The following DIAPH2 variants were observed in gnomAD, a reference collection of about 807,000 sequenced individuals.
The protein encoded by DIAPH2 is diaphanous related formin 2, also known as protein diaphanous homolog 2.
A neutral mutation model predicts 92.7 loss-of-function variants in DIAPH2; 35 were observed. The observed-to-expected ratio is 0.38, with a 90% CI of 0.29 to 0.50. The LOEUF (loss-of-function observed/expected upper bound fraction) is 0.50, where lower values mean the gene tolerates loss of function less well. DIAPH2 is among the 20% of genes least tolerant of loss of function. The pLI is 0.94. For missense variants in DIAPH2, 701 were observed against 819.5 expected, an observed-to-expected ratio of 0.86 and a Z score of 1.77; for synonymous variants, 301 against 280.4, an observed-to-expected ratio of 1.07 and a Z score of -0.73.
chrX:97,348,994 ATATATATATGTGTGTG>A (rs1183169105), intron 24 of DIAPH2, among the ~76,000 whole-genome samples: 145 of 107,929 alleles, frequency 1.3e-3, no homozygotes, highest in African/African-American at 4.8e-3. Flanking sequence ...GTGTGTGTGT[ATATATATATGTGTGTG>A]TATATATATG....
At chrX:97,041,018 A>G (rs1471694475) in intron 17 of DIAPH2, among the ~76,000 whole-genome samples, 1 of 111,044 alleles carries the variant, frequency 9.0e-6, no homozygotes, top group Non-Finnish European at 1.9e-5. Context: ...TTTGTGTTAT[A>G]CAGTTTTATG....
chrX:97,091,164 A>T (rs1373851607), intron 19 of DIAPH2, among the ~76,000 whole-genome samples: 1 of 110,533 alleles, frequency 9.0e-6, no homozygotes, highest in Non-Finnish European at 1.9e-5. Context: ...CCTGTTCCCC[A>T]CTTAGATTTA....
chrX:96,931,585 G>T (rs1343801195), intron 10 of DIAPH2, among the ~76,000 whole-genome samples: 1 of 109,955 alleles, frequency 9.1e-6, no homozygotes, highest in Non-Finnish European at 1.9e-5. Flanking sequence ...AAGTAAGGAA[G>T]TGAGAAAAAA....
At chrX:96,768,444 C>T (rs987419696) in intron 4 of DIAPH2, among the ~76,000 whole-genome samples, 1 of 111,466 alleles carries the variant, frequency 9.0e-6, no homozygotes, top group Non-Finnish European at 1.9e-5. Flanking sequence ...CTTATTAGTG[C>T]CAGGCATTAT....
At chrX:96,922,582 A>G (rs765914339) in intron 9 of DIAPH2, among the ~76,000 whole-genome samples, 1 of 111,635 alleles carries the variant, frequency 9.0e-6, no homozygotes, top group African/African-American at 3.2e-5. Context: ...AATGAGTCCA[A>G]TTCTAATACA....
intron 9 of DIAPH2, among the ~76,000 whole-genome samples, chrX:96,919,540 T>G (rs2065527278): frequency 8.9e-6 from 1 of 111,998 alleles, no homozygotes; most frequent in Admixed American, 9.5e-5. Flanking sequence ...GTTTCCACAT[T>G]TAATTTTATC....
chrX:96,691,749 A>G (rs1315543017), intron 1 of DIAPH2, among the ~76,000 whole-genome samples: 1 of 112,438 alleles, frequency 8.9e-6, no homozygotes, highest in Non-Finnish European at 1.9e-5. Context: ...AATACATACC[A>G]GCATATTGGC....
intron 26 of DIAPH2, among the ~76,000 whole-genome samples, chrX:97,515,391 C>A (rs1018054504): frequency 8.9e-5 from 10 of 112,464 alleles, no homozygotes; most frequent in Non-Finnish European, 1.9e-4. Flanking sequence ...CGCGCACCCA[C>A]TGTCCTGCGC....
intron 22 of DIAPH2, among the ~76,000 whole-genome samples, chrX:97,236,702 GC>G (rs2068050823): frequency 9.2e-6 from 1 of 108,960 alleles, no homozygotes; most frequent in African/African-American, 3.3e-5. Context: ...CCGCAACCAC[GC>G]CCGGCTAATT....
chrX:97,359,216 G>T (rs2069298151), intron 24 of DIAPH2, among the ~76,000 whole-genome samples: 1 of 111,573 alleles, frequency 9.0e-6, no homozygotes, highest in Non-Finnish European at 1.9e-5. Context: ...TCAGTAATTG[G>T]TGACTGTCCA....
chrX:97,420,438 A>T (rs779992919), intron 25 of DIAPH2, among the ~76,000 whole-genome samples: 1 of 111,668 alleles, frequency 9.0e-6, no homozygotes, highest in Admixed American at 9.5e-5. Context: ...TACAGTATTT[A>T]TTCCATGGCA....
chrX:97,286,621 A>G (rs1360968479), intron 23 of DIAPH2, among the ~76,000 whole-genome samples: 1 of 111,271 alleles, frequency 9.0e-6, no homozygotes, highest in Non-Finnish European at 1.9e-5. Context: ...CTGGCGGAGT[A>G]CGCCTGAACT....
chrX:97,349,036 GTATA>G (rs1396887806), intron 24 of DIAPH2, among the ~76,000 whole-genome samples: 5 of 100,131 alleles, frequency 5.0e-5, no homozygotes, highest in Admixed American at 1.1e-4. Flanking sequence ...ATATATGTGT[GTATA>G]TATATGTGTA....
At chrX:97,278,989 A>G (rs1225343858) in intron 23 of DIAPH2, among the ~76,000 whole-genome samples, 2 of 112,481 alleles carry the variant, frequency 1.8e-5, no homozygotes, top group Admixed American at 1.9e-4. Context: ...CTTGCAAACA[A>G]AGGGATGTGC....
At chrX:97,329,891 G>GACACAC (rs201851023) in intron 23 of DIAPH2, among the ~76,000 whole-genome samples, 55 of 79,475 alleles carry the variant, frequency 6.9e-4, no homozygotes, top group African/African-American at 1.0e-3. Context: ...TGCATTCTTA[G>GACACAC]ACACACACAC....
chrX:96,949,129 A>G, intron 15 of DIAPH2, 90 bp downstream of exon 15: 1 of 520,779 alleles, frequency 1.9e-6, no homozygotes, highest in East Asian at 3.9e-5. Flanking sequence ...AAATGTGACC[A>G]GAAGCAGACT....
At chrX:97,293,309 G>A (rs1024435088) in intron 23 of DIAPH2, among the ~76,000 whole-genome samples, 6 of 93,621 alleles carry the variant, frequency 6.4e-5, no homozygotes, top group Non-Finnish European at 1.2e-4. Flanking sequence ...GGAGTGCAGT[G>A]GCACAATATC....
At chrX:97,556,102 T>C (rs2071255081) in intron 26 of DIAPH2, among the ~76,000 whole-genome samples, 1 of 111,754 alleles carries the variant, frequency 8.9e-6, no homozygotes, top group African/African-American at 3.3e-5. Context: ...CCAGTGGGAA[T>C]TATGGTAGAG....
At chrX:96,747,858 A>C (rs1298710198) in intron 3 of DIAPH2, among the ~76,000 whole-genome samples, 1 of 112,327 alleles carries the variant, frequency 8.9e-6, no homozygotes, top group Non-Finnish European at 1.9e-5. Flanking sequence ...TAAAATCTAT[A>C]ATAAGCCATG....
Sources: gnomAD v4.1 joint callset for allele counts (sites outside exome capture counted in the v4.1 genomes callset) on GRCh38, gnomAD v4.1.1 for gene constraint, MANE v1.5 for transcripts, NCBI Gene and HGNC (gene_info 2026-07-23, HGNC 2026-07-21) for gene names.